Variants in MAMDC2 observed in about 807,000 individuals in gnomAD.
MAMDC2 encodes MAM domain-containing protein 2.
In MAMDC2, 57 loss-of-function variants were observed where a neutral mutation model predicts 89.8. The ratio of observed to expected loss-of-function variants is 0.63; its 90% CI spans 0.51 to 0.79. The LOEUF (loss-of-function observed/expected upper bound fraction) is 0.79, where lower values mean the gene tolerates loss of function less well. Ranked by LOEUF, MAMDC2 falls within the 30% of genes least tolerant of loss-of-function variation. The probability of loss-of-function intolerance (pLI) is 0.00; values close to 1 mark genes in which losing one functional copy is unlikely to be tolerated. For synonymous variants in MAMDC2, 313 were observed against 293.4 expected (o/e 1.07, Z -0.68); for missense variants, 800 against 820.6 (o/e 0.97, Z 0.31).
chr9:70,158,130 G>T (rs1001822032), intron 9 of MAMDC2, among the ~76,000 whole-genome samples: 1 of 151,976 alleles, frequency 6.6e-6, no homozygotes, highest in African/African-American at 2.4e-5. Context: ...GCTAATTTTT[G>T]CATTTTTTGT....
At chr9:70,153,083 T>G (rs114666877) in intron 9 of MAMDC2, 5 of 152,340 alleles carry the variant, frequency 3.3e-5, no homozygotes, top group African/African-American at 1.2e-4. Flanking sequence ...AAACCTTTAT[T>G]TTAATAAGAT....
chr9:70,192,973 G>A (rs778450290), intron 11 of MAMDC2, among the ~76,000 whole-genome samples: 2 of 152,118 alleles, frequency 1.3e-5, no homozygotes, highest in African/African-American at 4.8e-5. Context: ...CCTGGAGGAT[G>A]ATGGAGGATG....
chr9:70,140,656 A>T (rs1282829592), intron 8 of MAMDC2, among the ~76,000 whole-genome samples: 2 of 152,144 alleles, frequency 1.3e-5, no homozygotes, highest in Admixed American at 6.6e-5. Flanking sequence ...GGCAGAGGGA[A>T]TAAGAGTGTT....
intron 2 of MAMDC2, chr9:70,086,943 T>C (rs1827782544): frequency 6.6e-6 from 1 of 152,120 alleles, no homozygotes; most frequent in South Asian, 2.1e-4. Flanking sequence ...TCTGGGACTC[T>C]CAATCCCCAT....
chr9:70,052,945 G>A (rs1290741052), intron 2 of MAMDC2, among the ~76,000 whole-genome samples: 1 of 152,190 alleles, frequency 6.6e-6, no homozygotes, highest in Non-Finnish European at 1.5e-5. Context: ...ACCCATCAGG[G>A]ATGCCTAAGT....
intron 4 of MAMDC2, among the ~76,000 whole-genome samples, chr9:70,111,056 T>G (rs190058139): frequency 6.6e-5 from 10 of 152,316 alleles, no homozygotes; most frequent in Admixed American, 3.9e-4. Flanking sequence ...ACAGACCATT[T>G]TCTGAAGATA....
chr9:70,182,567 TC>T (rs1228502608), intron 11 of MAMDC2, among the ~76,000 whole-genome samples: 1 of 152,208 alleles, frequency 6.6e-6, no homozygotes, highest in Non-Finnish European at 1.5e-5. Flanking sequence ...TTCTACTTCT[TC>T]CTGATTTAGT....
rs888219750 is a variant in MAMDC2, at chr9:70,202,889, T to A, written c.1652-15448T>A. ...ACTAGGATTGCAACCCCTGCCTTTT[T>A]TTGTTTTCCATTTGCTTGGTAGATC... On this transcript the variant is annotated intron_variant, in intron 11 of 13. Transcript: ENST00000377182. Among the ~76,000 whole-genome samples, 133 of 149,250 alleles carry A rather than the reference T, an allele frequency of 8.9e-4. No homozygotes were observed. The South Asian group carries it at 0.026, about 29-fold the overall frequency.
At chr9:70,107,931 G>A (rs1408424480) in intron 2 of MAMDC2, among the ~76,000 whole-genome samples, 1 of 152,188 alleles carries the variant, frequency 6.6e-6, no homozygotes, top group Non-Finnish European at 1.5e-5. Flanking sequence ...GGAGTGAAGA[G>A]GGACTGATGG....
At position 70,044,297 on chromosome 9, in the gene MAMDC2, C is replaced by A. The variant is rs555960330; in HGVS notation, c.34+66C>A. The A allele has an allele frequency of 4.1e-4, 630 of 1,546,534 alleles. 11 individuals are homozygous for A. The South Asian group carries it at 6.6e-3, about 16-fold the overall frequency. On this transcript the variant is annotated intron_variant, in intron 1 of 13. Transcript: ENST00000377182. ...CGACTCGCCCCCGCTCCTGCTGCCC[C>A]CGGGGGTCCGGCTCACCGTGCTGGG...
chr9:70,085,746 G>C (rs1469931581), intron 2 of MAMDC2: 1 of 151,968 alleles, frequency 6.6e-6, no homozygotes, highest in Non-Finnish European at 1.5e-5. Context: ...TGGTTTTTGT[G>C]TATCTATGGT....
rs1233767489 is a variant in MAMDC2 at position 70,082,943 on chromosome 9, A to G, written c.149-25268A>G. 3 of 151,354 alleles carry G rather than the reference A, an allele frequency of 2.0e-5. No individual in the cohort carries two copies. The East Asian group carries it at 5.8e-4, about 29-fold the overall frequency. 9.4% of individuals were successfully genotyped at this position (151,354 alleles called of 1,614,324 possible). Reference sequence around the variant, plus strand: ...CTAATAAATGCCTCTCCCCCACTACATTGTCCAAAAGGAATGTTGAAAATG... The same window carrying G: ...CTAATAAATGCCTCTCCCCCACTACGTTGTCCAAAAGGAATGTTGAAAATG... On this transcript the variant is annotated intron_variant, in intron 2 of 13. Coordinates refer to ENST00000377182, the MANE Select transcript of MAMDC2 (RefSeq NM_153267.5).
chr9:70,135,455 C>A (rs1312949913), intron 7 of MAMDC2, among the ~76,000 whole-genome samples: 2 of 151,678 alleles, frequency 1.3e-5, no homozygotes, highest in East Asian at 4.0e-4. Flanking sequence ...GATTTAGCCC[C>A]TGAGTTATGC....
intron 12 of MAMDC2, among the ~76,000 whole-genome samples, chr9:70,224,160 T>C (rs2033610049): frequency 6.6e-6 from 1 of 152,116 alleles, no homozygotes; most frequent in Non-Finnish European, 1.5e-5. Context: ...TTGCCACTTA[T>C]TTGGATTCTT....
At chr9:70,097,858 A>G (rs1828068685) in intron 2 of MAMDC2, among the ~76,000 whole-genome samples, 1 of 152,126 alleles carries the variant, frequency 6.6e-6, no homozygotes, top group Admixed American at 6.5e-5. Flanking sequence ...ACTTTCATTG[A>G]ATGAAAATGA....
At chr9:70,159,369 A>C (rs2031882284) in intron 9 of MAMDC2, among the ~76,000 whole-genome samples, 1 of 152,190 alleles carries the variant, frequency 6.6e-6, no homozygotes, top group Non-Finnish European at 1.5e-5. Flanking sequence ...GGAGTTGGTT[A>C]AATAAGTGTG....
intron 9 of MAMDC2, among the ~76,000 whole-genome samples, chr9:70,144,718 C>G (rs2031341960): frequency 6.6e-6 from 1 of 152,202 alleles, no homozygotes; most frequent in African/African-American, 2.4e-5. Context: ...CTATCACATT[C>G]AAATCCAGGA....
chr9:70,128,354 T>C (rs1366603701), intron 6 of MAMDC2, among the ~76,000 whole-genome samples: 1 of 152,194 alleles, frequency 6.6e-6, no homozygotes, highest in Non-Finnish European at 1.5e-5. Flanking sequence ...GTGTTAAGTT[T>C]GTAATGTTAA....
chr9:70,061,049 T>C (rs1827139357), intron 2 of MAMDC2, among the ~76,000 whole-genome samples: 1 of 152,210 alleles, frequency 6.6e-6, no homozygotes, highest in African/African-American at 2.4e-5. Flanking sequence ...TGCATCCTTA[T>C]GCAAATGCAC....
Sources: gnomAD v4.1 joint callset for allele counts (sites outside exome capture counted in the v4.1 genomes callset) on GRCh38, gnomAD v4.1.1 for gene constraint, MANE v1.5 for transcripts, NCBI Gene and HGNC (gene_info 2026-07-23, HGNC 2026-07-21) for gene names.